The following RRBP1 variants were observed in gnomAD, a reference collection of about 807,000 sequenced individuals.
RRBP1 encodes ribosome-binding protein 1.
In RRBP1, 94 loss-of-function variants were observed where a neutral mutation model predicts 165.2. That is an observed-to-expected ratio of 0.57 (90% CI 0.48 to 0.68). The LOEUF is 0.68. Ranked by LOEUF, RRBP1 falls within the 30% of genes least tolerant of loss-of-function variation. RRBP1 has a pLI of 0.00. For missense variants in RRBP1, 1,676 were observed against 1,763.0 expected (o/e 0.95, Z 0.88); for synonymous variants, 680 against 714.5 (o/e 0.95, Z 0.77).
At chr20:17,617,038 G>A (rs2035815080) in intron 20 of RRBP1, among the ~76,000 whole-genome samples, 199 bp from the exon 21 acceptor site, 1 of 152,176 alleles carries the variant, frequency 6.6e-6, no homozygotes, top group African/African-American at 2.4e-5. Context: ...CCAAGCCTCT[G>A]GGCTAATGAG....
intron 3 of RRBP1, among the ~76,000 whole-genome samples, chr20:17,650,762 G>C (rs1296966499): frequency 6.6e-6 from 1 of 152,224 alleles, no homozygotes; most frequent in African/African-American, 2.4e-5. Context: ...CTTGATTCCA[G>C]GTGCTGGGTG....
intron 2 of RRBP1, among the ~76,000 whole-genome samples, chr20:17,677,389 G>T (rs943855473): frequency 2.6e-5 from 4 of 152,184 alleles, no homozygotes; most frequent in Non-Finnish European, 5.9e-5. Flanking sequence ...TTTCTGACCA[G>T]AAAGAGATCA....
chr20:17,659,479 C>T lies in RRBP1; in HGVS notation c.1029G>A (p.Glu343=). The T allele has an allele frequency of 6.5e-7, 1 of 1,530,526 alleles. No homozygotes were observed. The highest frequency in any genetic ancestry group is 8.8e-7 in the Non-Finnish European group (1 of 1,134,820). 94.8% of individuals were successfully genotyped at this position (1,530,526 alleles called of 1,614,324 possible). A position where few individuals can be genotyped will look rare whatever the true frequency, so the allele number is the denominator to read the frequency against. ...EGAQNQGKKA[E]GAQNQGKKAE... is the part of the protein sequence containing the mutation. ...CCTTCTTGCCCTGATTCTGGGCCCCCTCGGCCTTCTTGCCCTGATTCTGGG... is the reference window on the plus strand; with the variant it reads ...CCTTCTTGCCCTGATTCTGGGCCCCTTCGGCCTTCTTGCCCTGATTCTGGG... Residue 343 remains glutamate, a synonymous_variant, in exon 3 of 25, where the codon GAG becomes GAA. Transcript: ENST00000377813.
chr20:17,645,910 A>G (rs1471308938), intron 3 of RRBP1, among the ~76,000 whole-genome samples: 3 of 152,140 alleles, frequency 2.0e-5, no homozygotes, highest in Admixed American at 6.5e-5. Flanking sequence ...CGCTTTGCCC[A>G]TCTTGGTGGG....
chr20:17,669,034 GA>G (rs1263375168), intron 2 of RRBP1, among the ~76,000 whole-genome samples: 1 of 151,932 alleles, frequency 6.6e-6, no homozygotes, highest in Non-Finnish European at 1.5e-5. Context: ...TTAACCCAAA[GA>G]AACTAAGAGA....
chr20:17,642,284 G>A (rs929049422), intron 4 of RRBP1, among the ~76,000 whole-genome samples: 6 of 152,198 alleles, frequency 3.9e-5, no homozygotes, highest in African/African-American at 1.4e-4. Flanking sequence ...ATGGGGGCCG[G>A]GTACTCTGAG....
rs901299014 is a variant in RRBP1, at chr20:17,624,621, G to A, written c.3102C>T (p.Ala1034=). ...GCAGCTTCTCCTTGCAGGCCTGCTC[G>A]GCCGTGGCCAGTGCCTCCATGGCCT... is the stretch of plus-strand genomic sequence containing the variant. The part of the protein sequence containing the change: ...NWKAMEALAT[A]EQACKEKLLS... The change falls in exon 13 of 25, where the codon GCC becomes GCT. Residue 1034 remains alanine (A), a synonymous_variant. Coordinates refer to ENST00000377813, the MANE Select transcript of RRBP1 (RefSeq NM_001365613.2). 22 of 1,592,496 alleles carry A rather than the reference G, an allele frequency of 1.4e-5. No individual in the cohort carries two copies. The highest frequency in any genetic ancestry group is 2.7e-5 in the African/African-American group (2 of 74,722).
intron 2 of RRBP1, among the ~76,000 whole-genome samples, chr20:17,664,308 G>A (rs1055078486): frequency 1.3e-5 from 2 of 152,164 alleles, no homozygotes; most frequent in African/African-American, 2.4e-5. Flanking sequence ...CAGGCAAGAC[G>A]CTACTCAGAA....
intron 10 of RRBP1, 24 bp downstream of exon 10, chr20:17,627,480 C>T (rs200157099): frequency 3.1e-4 from 502 of 1,605,300 alleles, no homozygotes; most frequent in Non-Finnish European, 3.8e-4. Context: ...CTTTCCTCCC[C>T]GTGGCCCCAG....
chr20:17,635,949 G>C (rs1338464464), intron 6 of RRBP1, among the ~76,000 whole-genome samples: 2 of 152,166 alleles, frequency 1.3e-5, no homozygotes, highest in Non-Finnish European at 2.9e-5. Context: ...CACACCCCAT[G>C]AACATCTGCC....
rs2036254752 is a variant in RRBP1, at chr20:17,636,700, T to G, written c.2214A>C (p.Ala738=). ...GCTTTTTCACTTTGGCCTCCCCGGC[T>G]GCTGCTTTGGCCTTTTCTGCTGCCA... ...KEMAAEKAKA[A]AGEAKVKKQL... Residue 738 remains alanine (A), a synonymous_variant, in exon 6 of 25, where the codon GCA becomes GCC. Coordinates refer to ENST00000377813, the MANE Select transcript of RRBP1 (RefSeq NM_001365613.2). The G allele has an allele frequency of 6.2e-7, 1 of 1,613,126 alleles. No homozygotes were observed. Among genetic ancestry groups the G allele is most frequent in the African/African-American group, 1.3e-5 (1 of 74,950 alleles).
intron 8 of RRBP1, among the ~76,000 whole-genome samples, chr20:17,630,823 T>C (rs1190583381): frequency 1.3e-5 from 2 of 152,254 alleles, no homozygotes; most frequent in African/African-American, 4.8e-5. Flanking sequence ...AACAGATGAC[T>C]GCTGTTTGAA....
chr20:17,674,034 A>C, intron 2 of RRBP1, among the ~76,000 whole-genome samples: 1 of 152,228 alleles, frequency 6.6e-6, no homozygotes, highest in East Asian at 1.9e-4. Flanking sequence ...AGCTACATCT[A>C]ATTCCTATTC....
Position 17,615,545 on chromosome 20 carries a change from AG to A in RRBP1, c.3952-17del. 1 of 1,593,612 alleles carries A rather than the reference AG, an allele frequency of 6.3e-7. No homozygotes were observed. Among genetic ancestry groups the A allele is most frequent in the Non-Finnish European group, 8.5e-7 (1 of 1,171,328 alleles). ...AGGTCTGAGCCTTGCCGGAGAGGGA[AG>A]TGAGGTCTGGGTGAGACGTCTTATA... is the stretch of plus-strand genomic sequence containing the variant. On this transcript the variant is annotated splice_polypyrimidine_tract_variant and intron_variant, in intron 22 of 24. Coordinates refer to ENST00000377813, the MANE Select transcript of RRBP1 (RefSeq NM_001365613.2).
intron 3 of RRBP1, among the ~76,000 whole-genome samples, chr20:17,646,582 G>A (rs534774612): frequency 2.6e-5 from 4 of 152,230 alleles, no homozygotes; most frequent in African/African-American, 9.6e-5. Context: ...GTTGCAACGT[G>A]CTTGGAACCA....
At chr20:17,637,257 A>G (rs2036265330) in intron 5 of RRBP1, among the ~76,000 whole-genome samples, 3 of 152,186 alleles carry the variant, frequency 2.0e-5, no homozygotes, top group East Asian at 3.9e-4. Flanking sequence ...CCAGGGGGAC[A>G]TCGGCTCCGA....
chr20:17,669,675 C>T (rs1264158461), intron 2 of RRBP1, among the ~76,000 whole-genome samples: 7 of 152,168 alleles, frequency 4.6e-5, no homozygotes, highest in South Asian at 2.1e-4. Flanking sequence ...GAGTCTTACA[C>T]GTTTTCAGAG....
At position 17,659,420 on chromosome 20, in the gene RRBP1, T is replaced by A; in HGVS notation, c.1088A>T (p.Glu363Val). Reference sequence around the variant, plus strand: ...CTTCTTGCCCTGATTCTGGGCCCCCTCGGCCTTCTTGCCCTGATTCTGGGC... The same window carrying A: ...CTTCTTGCCCTGATTCTGGGCCCCCACGGCCTTCTTGCCCTGATTCTGGGC... ...EGAQNQGKKA[E>V]GAQNQGKKAE... The change falls in exon 3 of 25, where the codon GAG (glutamate) becomes GTG (valine). Residue 363 changes from glutamate to valine, a missense_variant. By Grantham distance (121) the Glu-to-Val change is moderately radical. Around this residue, in one of 5 missense-constraint regions of RRBP1, gnomAD observed 78 missense variants for 115.6 expected, o/e 0.67. Coordinates refer to ENST00000377813, the MANE Select transcript of RRBP1 (RefSeq NM_001365613.2). 1.3e-6 allele frequency: 2 copies of A among 1,519,304 alleles called. No individual in the cohort carries two copies. Among genetic ancestry groups the A allele is most frequent in the Non-Finnish European group, 1.8e-6 (2 of 1,135,570 alleles). The allele number at this position is 1,519,304 out of a possible 1,614,324, so 94.1% of individuals were successfully genotyped here.
rs138255326 is a variant in RRBP1 at position 17,619,579 on chromosome 20, G to C, written c.3675+54C>G. On this transcript the variant is annotated intron_variant, in intron 19 of 24. Transcript: ENST00000377813. ...ACAGGGCTGAGGAGAAGCAGCTCAG[G>C]GAGGACCGCAGATCTGCTGGGCAGG... The C allele has an allele frequency of 4.2e-4, 557 of 1,314,366 alleles. 2 individuals are homozygous for C. In the African/African-American group the frequency reaches 7.1e-3, roughly 17 times the overall value. 81.4% of individuals were successfully genotyped at this position (1,314,366 alleles called of 1,614,324 possible). A position where few individuals can be genotyped will look rare whatever the true frequency, so the allele number is the denominator to read the frequency against.
Sources: allele counts gnomAD v4.1 joint callset (sites outside exome capture counted in the v4.1 genomes callset), GRCh38; gene constraint gnomAD v4.1.1; regional missense constraint gnomAD v4.1.1; transcripts MANE v1.5; gene names NCBI Gene and HGNC (gene_info 2026-07-23, HGNC 2026-07-21).